The following DMPK variants were observed in gnomAD, a reference collection of about 807,000 sequenced individuals.
DMPK encodes the protein DM1 protein kinase, also known as myotonin-protein kinase.
In DMPK, 32 loss-of-function variants were observed where a neutral mutation model predicts 70.3. The observed-to-expected ratio is 0.46, with a 90% CI of 0.34 to 0.61. DMPK has a LOEUF of 0.61. DMPK is among the 20% of genes least tolerant of loss of function. DMPK has a pLI of 0.01. For synonymous variants in DMPK, 469 were observed against 390.9 expected (o/e 1.20, Z -2.36); for missense variants, 899 against 886.0 (o/e 1.01, Z -0.19).
At chr19:45,776,983 T>G in intron 8 of DMPK, 2 of 255,890 alleles carry the variant, frequency 7.8e-6, no homozygotes, top group East Asian at 7.5e-5. Flanking sequence ...GGAGGAGGAG[T>G]CCTCTCCTGC....
rs750544307 is a variant in DMPK, at chr19:45,778,660, T to C, written c.433-19A>G. On this transcript the variant is annotated intron_variant, in intron 4 of 14. Transcript: ENST00000291270. Reference sequence around the variant, plus strand: ...CCAGGTACTGAGAAGGGGTTCGTCATGGGTGGTTGGTAGTCCCCTGAGGCC... The same window carrying C: ...CCAGGTACTGAGAAGGGGTTCGTCACGGGTGGTTGGTAGTCCCCTGAGGCC... 6 of 1,611,258 alleles carry C rather than the reference T, an allele frequency of 3.7e-6. No individual in the cohort carries two copies. The South Asian group carries it at 4.4e-5, about 12-fold the overall frequency.
rs755616825 is a variant in DMPK, at chr19:45,777,779, G to C, written c.770C>G (p.Pro257Arg). ...ACCCAGCGCCCACCAGTCACACTCG[G>C]GCCCGTAGCTGCCTGTCCCAGGCCC... ...GGGPGTGSYG[P>R]ECDWWALGVF... The change falls in exon 7 of 15, where the codon CCC (proline) becomes CGC (arginine). Residue 257 changes from proline (P) to arginine (R), a missense_variant. Transcript: ENST00000291270. The surrounding 1 kb of genome is among the most constrained non-coding windows in gnomAD (Gnocchi z 6.7). 1.9e-6 allele frequency: 3 copies of C among 1,612,876 alleles called. No individual in the cohort carries two copies. Among genetic ancestry groups the C allele is most frequent in the Non-Finnish European group, 2.5e-6 (3 of 1,180,030 alleles).
intron 10 of DMPK, 115 bp downstream of exon 10, chr19:45,772,526 G>C (rs1969524797): frequency 6.5e-6 from 4 of 614,910 alleles, no homozygotes; most frequent in Middle Eastern, 2.5e-4. Flanking sequence ...CGTGGTTTCT[G>C]TCTGCTTCTG....
chr19:45,775,101 G>A, intron 8 of DMPK, 67 bp from the exon 9 acceptor site: 1 of 1,290,388 alleles, frequency 7.7e-7, no homozygotes, highest in South Asian at 1.2e-5. Flanking sequence ...TTTGATCTTG[G>A]CTTACATGTT....
intron 10 of DMPK, chr19:45,772,363 C>A: frequency 2.6e-6 from 1 of 388,166 alleles, no homozygotes; most frequent in Non-Finnish European, 4.6e-6. Context: ...CTCGCCTGAC[C>A]ACTTGGCACC....
rs752292803 is a variant in DMPK at position 45,771,384 on chromosome 19, AC to A, written c.1612del (p.Val538SerfsTer13). 1 of 1,604,376 alleles carries A rather than the reference AC, an allele frequency of 6.2e-7. No homozygotes were observed. The highest frequency in any genetic ancestry group is 8.5e-7 in the Non-Finnish European group (1 of 1,176,984). ...TGGATCCGTGGCCCGGGGACTGGGG[AC>A]CCCCGTGACAGCTGGAAGGAGAAGA... ...QAEGATAVTG[V>X]PSPRATDPPS... is the part of the protein sequence containing the mutation. On this transcript the variant is annotated frameshift_variant, in exon 13 of 15. Coordinates refer to ENST00000291270, the MANE Select transcript of DMPK (RefSeq NM_004409.5). LOFTEE classifies it high-confidence loss of function.
chr19:45,779,930 G>T, intron 1 of DMPK, 61 bp from the exon 2 acceptor site: 1 of 1,612,110 alleles, frequency 6.2e-7, no homozygotes, highest in Non-Finnish European at 8.5e-7. Context: ...GAGACAAGGG[G>T]GAAAGCCCCA....
intron 13 of DMPK, 52 bp from the exon 14 acceptor site, chr19:45,771,112 C>A: frequency 7.1e-7 from 1 of 1,408,208 alleles, no homozygotes; most frequent in Middle Eastern, 1.8e-4. Flanking sequence ...CAGCCCTCAG[C>A]GGTGGGGCGA....
In DMPK at chr19:45,779,421, G is replaced by T. The variant is rs529192626; in HGVS notation, c.336+18C>A. ...GGCGCGGATCCTCAAAGCCCCCCAC[G>T]TCCGCCCAGCCCCTCACCTCGCCCC... is the stretch of plus-strand genomic sequence containing the variant. On this transcript the variant is annotated intron_variant, in intron 3 of 14. Transcript: ENST00000291270. 8 of 1,613,664 alleles carry T rather than the reference G, an allele frequency of 5.0e-6. No homozygotes were observed. The highest frequency in any genetic ancestry group is 1.7e-5 in the Admixed American group (1 of 59,988).
Position 45,774,937 on chromosome 19 carries a change from G to C in DMPK, c.1232+12C>G, listed in dbSNP as rs999923515. On this transcript the variant is annotated intron_variant, in intron 9 of 14. Coordinates refer to ENST00000291270, the MANE Select transcript of DMPK (RefSeq NM_004409.5). The stretch of plus-strand genomic sequence containing the variant: ...CTCGTGGCCCCTGGAGGCCGTCCAG[G>C]GCAGTGCTTACCTGAGGGCCATGCA... 1.2e-6 allele frequency: 2 copies of C among 1,611,970 alleles called. No individual in the cohort carries two copies. The highest frequency in any genetic ancestry group is 1.7e-6 in the Non-Finnish European group (2 of 1,178,448).
intron 8 of DMPK, among the ~76,000 whole-genome samples, chr19:45,775,811 CCCAA>C (rs2146242230): frequency 9.4e-6 from 1 of 106,572 alleles, no homozygotes; most frequent in African/African-American, 3.3e-5. Context: ...AACCACCTTG[CCCAA>C]CCCTTTTTTT....
Position 45,777,282 on chromosome 19 carries a change from G to A in DMPK, c.1146+45C>T, listed in dbSNP as rs1240733384. The stretch of plus-strand genomic sequence containing the variant: ...TCCTTACTCCAACTTTATGGAGGGA[G>A]CATGGGGAGGTTCCCGCAGCCGAGC... On this transcript the variant is annotated intron_variant, in intron 8 of 14. Coordinates refer to ENST00000291270, the MANE Select transcript of DMPK (RefSeq NM_004409.5). The surrounding 1 kb of genome is among the most constrained non-coding windows in gnomAD (Gnocchi z 6.7). 3 of 1,520,502 alleles carry A rather than the reference G, an allele frequency of 2.0e-6. No homozygotes were observed. The highest frequency in any genetic ancestry group is 2.6e-6 in the Non-Finnish European group (3 of 1,135,434). The allele number at this position is 1,520,502 out of a possible 1,614,324, so 94.2% of individuals were successfully genotyped here.
chr19:45,770,870 G>T, intron 14 of DMPK, 101 bp downstream of exon 14: 1 of 1,055,566 alleles, frequency 9.5e-7, no homozygotes, highest in Non-Finnish European at 1.3e-6. Context: ...CCGCCCTCCT[G>T]CCGTGGGCCC....
intron 9 of DMPK, among the ~76,000 whole-genome samples, chr19:45,774,693 A>T (rs1969678268): frequency 6.6e-6 from 1 of 152,216 alleles, no homozygotes; most frequent in Non-Finnish European, 1.5e-5. Flanking sequence ...TGTGTACTAC[A>T]GACGTAAAAG....
Position 45,771,561 on chromosome 19 carries a change from GAC to G in DMPK, c.1600+5_1600+6del. ...CCTCCGGGGAAGGGGACACATGAGG[GAC>G]TCACCTGTGGCTCCCTCTGCCTGCA... On this transcript the variant is annotated splice_donor_5th_base_variant and intron_variant, in intron 12 of 14. Coordinates refer to ENST00000291270, the MANE Select transcript of DMPK (RefSeq NM_004409.5). 6.2e-7 allele frequency: 1 copy of G among 1,613,922 alleles called. No individual in the cohort carries two copies. The highest frequency in any genetic ancestry group is 8.5e-7 in the Non-Finnish European group (1 of 1,179,942).
At position 45,777,381 on chromosome 19, in the gene DMPK, T is replaced by A. The variant is rs762730157; in HGVS notation, c.1092A>T (p.Thr364=). The A allele has an allele frequency of 3.7e-6, 6 of 1,609,248 alleles. No homozygotes were observed. Among genetic ancestry groups the A allele is most frequent in the Non-Finnish European group, 3.4e-6 (4 of 1,177,134 alleles). Residue 364 remains threonine (T), a synonymous_variant, in exon 8 of 15, where the codon ACA becomes ACT. Coordinates refer to ENST00000291270, the MANE Select transcript of DMPK (RefSeq NM_004409.5). The surrounding 1 kb of genome is among the most constrained non-coding windows in gnomAD (Gnocchi z 6.7). ...CGTCCTCCACCAAGTCGAAGTTGCA[T>A]GTGTCGGTGGCACCTTCGAAATCCG... The part of the protein sequence containing the change: ...FTPDFEGATD[T]CNFDLVEDGL...
chr19:45,775,339 T>C, intron 8 of DMPK: 1 of 268,442 alleles, frequency 3.7e-6, no homozygotes. Flanking sequence ...GGCTAATTTT[T>C]TATATTTTTG....
At position 45,779,762 on chromosome 19, in the gene DMPK, G is replaced by A. The variant is rs1970012427; in HGVS notation, c.252+16C>T. 7 of 1,282,288 alleles carry A rather than the reference G, an allele frequency of 5.5e-6. No individual in the cohort carries two copies. The highest frequency in any genetic ancestry group is 1.5e-5 in the African/African-American group (1 of 64,662). 79.4% of individuals were successfully genotyped at this position (1,282,288 alleles called of 1,614,324 possible). A position where few individuals can be genotyped will look rare whatever the true frequency, so the allele number is the denominator to read the frequency against. ...CCACCACGAGTCAAGTCAGGCTCCC[G>A]CCCGGTTCGGCTTACCTCGCTGAAC... On this transcript the variant is annotated intron_variant, in intron 2 of 14. Coordinates refer to ENST00000291270, the MANE Select transcript of DMPK (RefSeq NM_004409.5).
At position 45,777,878 on chromosome 19, in the gene DMPK, A is replaced by G; in HGVS notation, c.676-5T>C. On this transcript the variant is annotated splice_polypyrimidine_tract_variant and splice_region_variant and intron_variant, in intron 6 of 14. Transcript: ENST00000291270. The surrounding 1 kb of genome is among the most constrained non-coding windows in gnomAD (Gnocchi z 6.7). ...CACAGCCACCAGCGACCGCACCTGG[A>G]CCAAAAGGAGCAGAGCGAGGCTTGG... is the stretch of plus-strand genomic sequence containing the variant. 6.2e-7 allele frequency: 1 copy of G among 1,605,462 alleles called. No homozygotes were observed. Among genetic ancestry groups the G allele is most frequent in the Non-Finnish European group, 8.5e-7 (1 of 1,178,358 alleles).
Sources: allele counts gnomAD v4.1 joint callset (sites outside exome capture counted in the v4.1 genomes callset), GRCh38; gene constraint gnomAD v4.1.1; non-coding constraint Gnocchi (gnomAD v3.1); transcripts MANE v1.5; gene names NCBI Gene and HGNC (gene_info 2026-07-23, HGNC 2026-07-21).